The following CORIN variants were observed in gnomAD, a reference collection of about 807,000 sequenced individuals.
CORIN encodes the protein atrial natriuretic peptide-converting enzyme.
Under a neutral mutation model 125.3 loss-of-function variants are expected in CORIN, and 117 were observed. The observed-to-expected ratio is 0.93, with a 90% CI of 0.80 to 1.09. The LOEUF (loss-of-function observed/expected upper bound fraction) is 1.09. CORIN is among the 50% of genes least tolerant of loss of function. The probability of loss-of-function intolerance (pLI) is 0.00; values close to 1 mark genes in which losing one functional copy is unlikely to be tolerated. For missense variants in CORIN, 1,253 were observed against 1,306.7 expected, an observed-to-expected ratio of 0.96 and a Z score of 0.63; for synonymous variants, 450 against 466.4, an observed-to-expected ratio of 0.96 and a Z score of 0.45.
At chr4:47,628,870 C>A (rs1722692143) in intron 16 of CORIN, among the ~76,000 whole-genome samples, 1 of 152,026 alleles carries the variant, frequency 6.6e-6, no homozygotes, top group Non-Finnish European at 1.5e-5. Flanking sequence ...CATAAAATTT[C>A]TATTGTATAA....
chr4:47,695,050 T>A (rs1401989633), intron 5 of CORIN, among the ~76,000 whole-genome samples: 1 of 152,210 alleles, frequency 6.6e-6, no homozygotes, highest in Non-Finnish European at 1.5e-5. Flanking sequence ...ATTACATCTA[T>A]GGATTTCAAC....
intron 8 of CORIN, among the ~76,000 whole-genome samples, chr4:47,678,556 C>T (rs1033403118): frequency 4.6e-5 from 7 of 152,182 alleles, no homozygotes; most frequent in Non-Finnish European, 1.0e-4. Context: ...TACTTGACCT[C>T]ATAAGCCAAC....
rs932296965 is a variant in CORIN, at chr4:47,668,668, G to A, written c.1358-3405C>T. ...CCCCATCAAGGTTCAACTTTTTATT[G>A]ATGTATTTCACTGAAGATGATTAAC... On this transcript the variant is annotated intron_variant, in intron 10 of 21. Coordinates refer to ENST00000273857, the MANE Select transcript of CORIN (RefSeq NM_006587.4). Among the ~76,000 whole-genome samples the A allele has an allele frequency of 2.0e-5, 3 of 151,908 alleles. No individual in the cohort carries two copies. In the East Asian group the frequency reaches 5.8e-4, roughly 29 times the overall value.
At chr4:47,768,247 G>C (rs371054108) in intron 3 of CORIN, among the ~76,000 whole-genome samples, 7 of 152,236 alleles carry the variant, frequency 4.6e-5, no homozygotes, top group Admixed American at 1.3e-4. Context: ...CAGCCCGCCT[G>C]CACCCAGGTG....
chr4:47,822,963 G>A (rs1205522610), intron 1 of CORIN, among the ~76,000 whole-genome samples: 6 of 151,938 alleles, frequency 3.9e-5, no homozygotes, highest in South Asian at 2.1e-4. Context: ...CTACAGGCGC[G>A]TGCCAACATG....
At chr4:47,794,200 A>G (rs1016161960) in intron 2 of CORIN, among the ~76,000 whole-genome samples, 1 of 152,204 alleles carries the variant, frequency 6.6e-6, no homozygotes, top group African/African-American at 2.4e-5. Flanking sequence ...GATACTAAGA[A>G]TACATTATAA....
At chr4:47,624,512 C>T (rs901208527) in intron 17 of CORIN, among the ~76,000 whole-genome samples, 1 of 152,084 alleles carries the variant, frequency 6.6e-6, no homozygotes, top group Non-Finnish European at 1.5e-5. Context: ...CCAAGACTCT[C>T]AAGGTTAAAT....
chr4:47,835,710 T>C (rs910598508), intron 1 of CORIN, among the ~76,000 whole-genome samples: 1 of 152,176 alleles, frequency 6.6e-6, no homozygotes, highest in Non-Finnish European at 1.5e-5. Flanking sequence ...TGGTGGAGAA[T>C]GTGACCCTTC....
chr4:47,774,327 GCAGGGCAGGAGCCC>G (rs1730192408), intron 3 of CORIN, among the ~76,000 whole-genome samples: 1 of 152,122 alleles, frequency 6.6e-6, no homozygotes, highest in South Asian at 2.1e-4. Flanking sequence ...TTCTCAGCTG[GCAGGGCAGGAGCCC>G]TGCACTCCCG....
chr4:47,710,261 C>G (rs935972420), intron 5 of CORIN, among the ~76,000 whole-genome samples: 1 of 152,142 alleles, frequency 6.6e-6, no homozygotes, highest in Non-Finnish European at 1.5e-5. Flanking sequence ...CTGAAGTTCA[C>G]GTGAAAATAA....
intron 1 of CORIN, among the ~76,000 whole-genome samples, chr4:47,833,316 A>T (rs1162869060): frequency 1.3e-5 from 2 of 152,216 alleles, no homozygotes; most frequent in Non-Finnish European, 2.9e-5. Context: ...TGTCTTCAAC[A>T]AATGGTGCTG....
chr4:47,669,351 C>T (rs555732133), intron 10 of CORIN, among the ~76,000 whole-genome samples: 7 of 152,192 alleles, frequency 4.6e-5, no homozygotes, highest in East Asian at 1.9e-4. Context: ...CATCTAGCTG[C>T]GTATATAATA....
chr4:47,772,551 TGTTA>T lies in CORIN; in HGVS notation c.410-8969_410-8966del, dbSNP rs149063706. ...AAAATGTATATAGTGTCTTCAAGTT[TGTTA>T]AACAGTTTTCTATACATAATATGGT... On this transcript the variant is annotated intron_variant, in intron 3 of 21. Coordinates refer to ENST00000273857, the MANE Select transcript of CORIN (RefSeq NM_006587.4). 4.5e-3 allele frequency among the ~76,000 whole-genome samples: 689 copies of T among 152,332 alleles called. 11 individuals are homozygous for T. The East Asian group carries it at 0.054, about 12-fold the overall frequency.
intron 10 of CORIN, among the ~76,000 whole-genome samples, chr4:47,673,051 G>A (rs1724836588): frequency 6.6e-6 from 1 of 152,152 alleles, no homozygotes. Context: ...CTTAGACTGA[G>A]AGGACATGTG....
intron 12 of CORIN, 106 bp downstream of exon 12, chr4:47,661,605 A>G: frequency 9.1e-7 from 1 of 1,093,270 alleles, no homozygotes; most frequent in Non-Finnish European, 1.3e-6. Flanking sequence ...ATTGGAAACT[A>G]AATAGAAAAC....
chr4:47,630,102 G>A (rs1722750073), intron 16 of CORIN, among the ~76,000 whole-genome samples: 1 of 152,130 alleles, frequency 6.6e-6, no homozygotes, highest in Non-Finnish European at 1.5e-5. Context: ...GCACACATAG[G>A]TTTGGGGGTA....
intron 16 of CORIN, among the ~76,000 whole-genome samples, chr4:47,640,328 T>G (rs1723187659): frequency 6.6e-6 from 1 of 152,138 alleles, no homozygotes; most frequent in Non-Finnish European, 1.5e-5. Flanking sequence ...AAAGAAGTAC[T>G]GGTACATGCT....
intron 4 of CORIN, among the ~76,000 whole-genome samples, chr4:47,758,767 G>T (rs1047634707): frequency 6.6e-6 from 1 of 152,130 alleles, no homozygotes; most frequent in African/African-American, 2.4e-5. Flanking sequence ...TTTTATAAGG[G>T]GCTTTCCCCA....
chr4:47,747,288 C>T (rs531218962), intron 4 of CORIN, among the ~76,000 whole-genome samples: 2 of 152,094 alleles, frequency 1.3e-5, no homozygotes, highest in Non-Finnish European at 2.9e-5. Context: ...AACACTTAAC[C>T]CTCCCAGAGA....
Sources: allele counts gnomAD v4.1 joint callset (sites outside exome capture counted in the v4.1 genomes callset), GRCh38; gene constraint gnomAD v4.1.1; transcripts MANE v1.5; gene names NCBI Gene and HGNC (gene_info 2026-07-23, HGNC 2026-07-21).